BABAM2: variants seen among roughly 807,000 people sequenced by gnomAD.
The protein encoded by BABAM2 is BRISC and BRCA1 A complex member 2.
In BABAM2, 31 loss-of-function variants were observed where a neutral mutation model predicts 54.7. The ratio of observed to expected loss-of-function variants is 0.57; its 90% CI spans 0.43 to 0.77. The LOEUF (loss-of-function observed/expected upper bound fraction) is 0.77, where lower values mean the gene tolerates loss of function less well. Among genes scored for constraint, BABAM2 ranks in the 30% least tolerant of loss-of-function variants. The probability of loss-of-function intolerance (pLI) is 0.00; values close to 1 mark genes in which losing one functional copy is unlikely to be tolerated. For missense variants in BABAM2, 364 were observed against 455.8 expected (o/e 0.80, Z 1.83); for synonymous variants, 167 against 162.9 (o/e 1.03, Z -0.19).
intron 1 of BABAM2, among the ~76,000 whole-genome samples, chr2:27,891,533 C>T (rs1434287175): frequency 1.3e-5 from 2 of 152,122 alleles, no homozygotes; most frequent in East Asian, 3.8e-4. Flanking sequence ...GGGACTCTGA[C>T]CACCGTAAAT....
chr2:27,994,440 A>G (rs1672990450), intron 4 of BABAM2, among the ~76,000 whole-genome samples: 1 of 152,204 alleles, frequency 6.6e-6, no homozygotes, highest in African/African-American at 2.4e-5. Flanking sequence ...GATATTTCCA[A>G]CATCCAGAAG....
At chr2:27,959,639 A>G (rs1444315974) in intron 3 of BABAM2, among the ~76,000 whole-genome samples, 3 of 152,126 alleles carry the variant, frequency 2.0e-5, no homozygotes, top group African/African-American at 7.2e-5. Context: ...CTTCCCTGAA[A>G]ACTGCAATAC....
intron 3 of BABAM2, among the ~76,000 whole-genome samples, chr2:27,961,855 G>C (rs760123874): frequency 3.0e-4 from 45 of 150,254 alleles, no homozygotes; most frequent in Non-Finnish European, 5.3e-4. Flanking sequence ...AGCCTCCTGA[G>C]TAGCTGGGAC....
At chr2:28,132,142 CT>C (rs371766527) in intron 7 of BABAM2, among the ~76,000 whole-genome samples, 1,970 of 139,282 alleles carry the variant, frequency 0.014, 15 homozygotes, top group South Asian at 0.046. Flanking sequence ...TCTTCTTCTT[CT>C]TTTTTTTTTT....
chr2:28,242,892 A>C (rs2148073215), intron 9 of BABAM2, among the ~76,000 whole-genome samples: 1 of 152,236 alleles, frequency 6.6e-6, no homozygotes, highest in South Asian at 2.1e-4. Context: ...AGTACTTTTG[A>C]TACAAATAGT....
At chr2:28,152,193 C>G (rs556140810) in intron 7 of BABAM2, among the ~76,000 whole-genome samples, 1 of 152,318 alleles carries the variant, frequency 6.6e-6, no homozygotes, top group East Asian at 1.9e-4. Context: ...AGATTTCAAA[C>G]TTGCCTTAAA....
intron 10 of BABAM2, among the ~76,000 whole-genome samples, chr2:28,279,527 T>C (rs1414996740): frequency 3.3e-5 from 5 of 152,168 alleles, no homozygotes; most frequent in African/African-American, 4.8e-5. Flanking sequence ...GATTATTTTG[T>C]TTACTGACTT....
At chr2:27,921,470 T>C (rs1463607089) in intron 2 of BABAM2, among the ~76,000 whole-genome samples, 1 of 152,190 alleles carries the variant, frequency 6.6e-6, no homozygotes, top group Non-Finnish European at 1.5e-5. Context: ...AAGATATTAA[T>C]CTGATGGTTT....
chr2:28,237,443 G>T (rs1471681795), intron 8 of BABAM2, 142 bp downstream of exon 8: 3 of 664,628 alleles, frequency 4.5e-6, no homozygotes, highest in Non-Finnish European at 7.8e-6. Flanking sequence ...CCTTCCTACT[G>T]TGAATTACAG....
At chr2:27,975,771 G>A (rs1396692965) in intron 3 of BABAM2, among the ~76,000 whole-genome samples, 1 of 151,964 alleles carries the variant, frequency 6.6e-6, no homozygotes, top group Middle Eastern at 3.2e-3. Flanking sequence ...AGGACAAGAA[G>A]CAGTAAGAGA....
intron 7 of BABAM2, among the ~76,000 whole-genome samples, chr2:28,157,294 C>T (rs1396979111): frequency 2.0e-5 from 3 of 152,146 alleles, no homozygotes; most frequent in African/African-American, 7.2e-5. Flanking sequence ...CTAGCAACAC[C>T]CTGGAAAAGG....
rs1691694075 is a variant in BABAM2, at chr2:28,338,775, T to G, written c.*262T>G. On this transcript the variant is annotated 3_prime_UTR_variant, in exon 12 of 12. Coordinates refer to ENST00000379624, the MANE Select transcript of BABAM2 (RefSeq NM_199191.3). ...TAGTTGGAAGAAATAAACTCACAAA[T>G]TATGGTGCAGTAATTTTCCGGGGAA... 1 of 416,704 alleles carries G rather than the reference T, an allele frequency of 2.4e-6. No individual in the cohort carries two copies. The highest frequency in any genetic ancestry group is 4.0e-5 in the Admixed American group (1 of 25,102). 25.8% of individuals were successfully genotyped at this position (416,704 alleles called of 1,614,324 possible).
At chr2:27,938,287 C>T (rs1426723633) in intron 3 of BABAM2, among the ~76,000 whole-genome samples, 5 of 152,134 alleles carry the variant, frequency 3.3e-5, no homozygotes, top group Non-Finnish European at 7.3e-5. Flanking sequence ...CTCAGCAACA[C>T]ACATTTTAAC....
intron 3 of BABAM2, among the ~76,000 whole-genome samples, chr2:27,944,564 C>T (rs990159081): frequency 2.0e-5 from 3 of 152,200 alleles, no homozygotes; most frequent in Middle Eastern, 3.4e-3. Flanking sequence ...TACTTTGTTC[C>T]TTTTATTGCT....
intron 6 of BABAM2, among the ~76,000 whole-genome samples, chr2:28,103,235 G>C (rs909995224): frequency 1.6e-4 from 24 of 152,206 alleles, no homozygotes; most frequent in African/African-American, 5.3e-4. Flanking sequence ...AATTATGAAA[G>C]TGATATTCAA....
At chr2:28,026,780 A>AATATATATTTAT (rs1558666723) in intron 5 of BABAM2, among the ~76,000 whole-genome samples, 2 of 90,858 alleles carry the variant, frequency 2.2e-5, no homozygotes, top group African/African-American at 9.1e-5. Context: ...TATATAAAAA[A>AATATATATTTAT]ATATAAATAT....
At chr2:28,070,430 T>C (rs1362500208) in intron 6 of BABAM2, among the ~76,000 whole-genome samples, 1 of 152,214 alleles carries the variant, frequency 6.6e-6, no homozygotes, top group African/African-American at 2.4e-5. Flanking sequence ...GCTGGCTCTC[T>C]TCAAAAATCC....
At chr2:28,193,510 T>A (rs1292141291) in intron 7 of BABAM2, among the ~76,000 whole-genome samples, 1 of 152,162 alleles carries the variant, frequency 6.6e-6, no homozygotes, top group African/African-American at 2.4e-5. Flanking sequence ...CCTATCTCAC[T>A]TGCCTCAGAA....
chr2:27,985,882 A>G (rs1370702412), intron 3 of BABAM2, among the ~76,000 whole-genome samples: 1 of 152,194 alleles, frequency 6.6e-6, no homozygotes, highest in African/African-American at 2.4e-5. Context: ...AAAACAATAT[A>G]AGACTACTTA....
Sources: allele counts gnomAD v4.1 joint callset (sites outside exome capture counted in the v4.1 genomes callset), GRCh38; gene constraint gnomAD v4.1.1; transcripts MANE v1.5; gene names NCBI Gene and HGNC (gene_info 2026-07-23, HGNC 2026-07-21).